DMD: variants seen among roughly 807,000 people sequenced by gnomAD.
The protein encoded by DMD is dystrophin, also known as mutant dystrophin.
A neutral mutation model predicts 330.1 loss-of-function variants in DMD; 63 were observed. The ratio of observed to expected loss-of-function variants is 0.19; its 90% confidence interval spans 0.16 to 0.24. DMD has a LOEUF of 0.24. Ranked by LOEUF, DMD falls within the 10% of genes least tolerant of loss-of-function variation. The probability of loss-of-function intolerance (pLI) is 1.00; values close to 1 mark genes in which losing one functional copy is unlikely to be tolerated. For missense variants in DMD, 3,344 were observed against 2,684.1 expected, an observed-to-expected ratio of 1.25 and a Z score of -5.43; for synonymous variants, 1,223 against 959.8, an observed-to-expected ratio of 1.27 and a Z score of -5.07.
At chrX:32,477,861 G>A (rs2041402270) in intron 21 of DMD, among the ~76,000 whole-genome samples, 1 of 111,391 alleles carries the variant, frequency 9.0e-6, no homozygotes, top group Admixed American at 9.6e-5. Context: ...CTACCCGTCC[G>A]TTAAGCACTT....
intron 7 of DMD, among the ~76,000 whole-genome samples, chrX:32,710,548 T>C (rs907335250): frequency 2.7e-5 from 3 of 111,412 alleles, no homozygotes; most frequent in Non-Finnish European, 3.8e-5. Flanking sequence ...TAAATTCAGA[T>C]TGAAAATACT....
intron 50 of DMD, among the ~76,000 whole-genome samples, chrX:31,799,824 G>A (rs189306220): frequency 6.2e-5 from 7 of 112,197 alleles, no homozygotes; most frequent in African/African-American, 1.9e-4. Flanking sequence ...CACCTGTTCC[G>A]AATGGGAGAA....
intron 25 of DMD, among the ~76,000 whole-genome samples, chrX:32,457,896 T>TAGTATAATAGTATA (rs2148377910): frequency 9.1e-6 from 1 of 110,425 alleles, no homozygotes; most frequent in South Asian, 3.8e-4. Flanking sequence ...CCACTAATAA[T>TAGTATAATAGTATA]TAAAATATAT....
intron 44 of DMD, among the ~76,000 whole-genome samples, chrX:32,132,757 A>G (rs1331580871): frequency 9.0e-6 from 1 of 110,696 alleles, no homozygotes; most frequent in Non-Finnish European, 1.9e-5. Context: ...TCCTATGAAT[A>G]CTATATTTTT....
At chrX:33,016,644 TCAGA>T (rs1246444573) in intron 2 of DMD, among the ~76,000 whole-genome samples, 5 of 111,498 alleles carry the variant, frequency 4.5e-5, no homozygotes, top group Non-Finnish European at 7.5e-5. Flanking sequence ...TGGAAAAAAA[TCAGA>T]CAGAAGAGTG....
intron 43 of DMD, among the ~76,000 whole-genome samples, chrX:32,222,525 T>C (rs779660772): frequency 2.7e-5 from 3 of 112,221 alleles, no homozygotes; most frequent in Non-Finnish European, 5.6e-5. Context: ...AGACCAGTAG[T>C]TAGATTAACC....
At chrX:31,379,036 C>G (rs747095511) in intron 60 of DMD, among the ~76,000 whole-genome samples, 6 of 110,425 alleles carry the variant, frequency 5.4e-5, no homozygotes, top group African/African-American at 2.0e-4. Context: ...TTTTACACAT[C>G]TGCCCCTCCC....
intron 9 of DMD, among the ~76,000 whole-genome samples, chrX:32,668,909 C>G (rs1274045909): frequency 9.0e-6 from 1 of 111,022 alleles, no homozygotes; most frequent in Non-Finnish European, 1.9e-5. Flanking sequence ...AAGCTGTATG[C>G]TGAATGTTCA....
intron 44 of DMD, among the ~76,000 whole-genome samples, chrX:32,015,332 T>C (rs780999070): frequency 9.0e-6 from 1 of 111,516 alleles, no homozygotes; most frequent in South Asian, 3.8e-4. Context: ...AGGCTTGGGG[T>C]GGGGCCAAGA....
chrX:31,630,602 A>G lies in DMD; in HGVS notation c.8028-2740T>C, dbSNP rs1046997295. Among the ~76,000 whole-genome samples the G allele has an allele frequency of 3.6e-5, 4 of 111,730 alleles. No individual in the cohort carries two copies. In the Admixed American group the frequency reaches 3.8e-4, roughly 11 times the overall value. ...TGTGCATTCAACATGCTCTAAATGT[A>G]TCATATAGTTTTAAATTTTCCGGAA... On this transcript the variant is annotated intron_variant, in intron 54 of 78. Transcript: ENST00000357033.
chrX:32,602,164 TA>T (rs1173894727), intron 12 of DMD, among the ~76,000 whole-genome samples: 1 of 111,853 alleles, frequency 8.9e-6, no homozygotes, highest in Non-Finnish European at 1.9e-5. Flanking sequence ...ACTACATTAA[TA>T]AAAGTAGGTT....
chrX:32,809,578 G>A lies in DMD; in HGVS notation c.564C>T (p.Cys188=), dbSNP rs751528345. Residue 188 remains cysteine, a synonymous_variant, in exon 7 of 79, where the codon TGC becomes TGT. Transcript: ENST00000357033. The part of the protein sequence containing the change: ...PDLFDWNSVV[C]QQSATQRLEH... ...CCAGTCGTTGTGTGGCTGACTGCTG[G>A]CAAACCACACTATTCCAGTCAAATA... 3.3e-6 allele frequency: 4 copies of A among 1,210,435 alleles called. No individual in the cohort carries two copies. The Admixed American group carries it at 8.7e-5, about 26-fold the overall frequency.
chrX:31,188,013 T>G, intron 67 of DMD, among the ~76,000 whole-genome samples: 1 of 111,869 alleles, frequency 8.9e-6, no homozygotes. Context: ...AGGGAGGCTG[T>G]AGAATGTTCT....
intron 7 of DMD, among the ~76,000 whole-genome samples, chrX:32,705,794 T>G (rs1346490224): frequency 8.9e-6 from 1 of 111,746 alleles, no homozygotes; most frequent in Non-Finnish European, 1.9e-5. Context: ...GATGAGCATT[T>G]TTTCATGTGT....
chrX:31,177,908 C>A, intron 71 of DMD, 24 bp downstream of exon 71: 1 of 1,184,203 alleles, frequency 8.4e-7, no homozygotes, highest in African/African-American at 1.7e-5. Flanking sequence ...GGTAGCAGCA[C>A]CCTTCAGCAA....
intron 7 of DMD, among the ~76,000 whole-genome samples, chrX:32,779,777 G>T (rs1465356549): frequency 2.8e-5 from 3 of 106,078 alleles, no homozygotes; most frequent in Non-Finnish European, 5.8e-5. Flanking sequence ...TAAATGACGA[G>T]CTAATGGGTG....
chrX:32,937,114 T>C (rs2090074232), intron 2 of DMD, among the ~76,000 whole-genome samples: 1 of 110,445 alleles, frequency 9.1e-6, no homozygotes, highest in South Asian at 3.9e-4. Flanking sequence ...TGCTCAGTGT[T>C]AGGAAATTCA....
rs1053118674 is a variant in DMD, at chrX:32,273,360, G to A, written c.6290+14169C>T. 6.3e-5 allele frequency among the ~76,000 whole-genome samples: 7 copies of A among 110,896 alleles called. No individual in the cohort carries two copies. In the South Asian group the frequency reaches 1.5e-3, roughly 25 times the overall value. On this transcript the variant is annotated intron_variant, in intron 43 of 78. Coordinates refer to ENST00000357033, the MANE Select transcript of DMD (RefSeq NM_004006.3). ...TAATCCCATCTTCTCAGAAGGCTGA[G>A]GTGGGAGGATTACTTCATCCAGGGA... is the stretch of plus-strand genomic sequence containing the variant.
intron 9 of DMD, among the ~76,000 whole-genome samples, chrX:32,664,916 T>C (rs1053970219): frequency 1.8e-5 from 2 of 111,233 alleles, no homozygotes. Context: ...GAATTTGTGT[T>C]GATGGGGAAG....
Sources: gnomAD v4.1 joint callset for allele counts (sites outside exome capture counted in the v4.1 genomes callset) on GRCh38, gnomAD v4.1.1 for gene constraint, MANE v1.5 for transcripts, NCBI Gene and HGNC (gene_info 2026-07-23, HGNC 2026-07-21) for gene names.